The following KIF1B variants were observed in gnomAD, a reference collection of about 807,000 sequenced individuals.
The protein encoded by KIF1B is kinesin family member 1B.
Under a neutral mutation model 241.9 loss-of-function variants are expected in KIF1B, and 76 were observed. That is an observed-to-expected ratio of 0.31 (90% confidence interval 0.26 to 0.38). The LOEUF is 0.38. KIF1B is among the 10% of genes least tolerant of loss of function. The pLI, the probability that KIF1B is intolerant of heterozygous loss-of-function variation, is 1.00. For synonymous variants in KIF1B, 750 were observed against 796.7 expected (o/e 0.94, Z 0.99); for missense variants, 1,622 against 2,271.4 (o/e 0.71, Z 5.81).
At chr1:10,212,158 T>C (rs1246880979) in intron 1 of KIF1B, among the ~76,000 whole-genome samples, 2 of 152,194 alleles carry the variant, frequency 1.3e-5, no homozygotes, top group Non-Finnish European at 2.9e-5. Context: ...TGTCTGAGCC[T>C]GATGAAAGTG....
intron 18 of KIF1B, 58 bp downstream of exon 18, chr1:10,295,223 A>G (rs2102255406): frequency 9.7e-7 from 1 of 1,029,496 alleles, no homozygotes; most frequent in East Asian, 2.4e-5. Flanking sequence ...AGATAATTGA[A>G]TAACTAAAGG....
At chr1:10,323,387 G>A (rs58036267) in intron 24 of KIF1B, among the ~76,000 whole-genome samples, 20,652 of 152,070 alleles carry the variant, frequency 0.14, 1,531 homozygotes, top group South Asian at 0.18. Flanking sequence ...CTGAGCCGCC[G>A]AGGTGGGTGG....
chr1:10,351,607 A>G (rs992807293), intron 37 of KIF1B, among the ~76,000 whole-genome samples: 24 of 152,284 alleles, frequency 1.6e-4, no homozygotes, highest in African/African-American at 4.6e-4. Context: ...CGTCTATGCA[A>G]TGCTGCATCC....
At chr1:10,242,311 G>A (rs149545265) in intron 2 of KIF1B, among the ~76,000 whole-genome samples, 2,842 of 152,074 alleles carry the variant, frequency 0.019, 40 homozygotes, top group Non-Finnish European at 0.028. Flanking sequence ...CAAACAGCAT[G>A]GAGTGTACTT....
In KIF1B at chr1:10,378,756, G is replaced by A. The variant is rs897049692; in HGVS notation, c.*2169G>A. The A allele has an allele frequency of 1.0e-4, 34 of 325,406 alleles. No individual in the cohort carries two copies. The highest frequency in any genetic ancestry group is 4.8e-4 in the African/African-American group (23 of 48,238). The allele number at this position is 325,406 out of a possible 1,614,324, so 20.2% of individuals were successfully genotyped here. ...TCTGAAGAACAGGTCTCCCAGCTTC[G>A]CTCCTTATCACTGCATTGTGAAGAG... On this transcript the variant is annotated 3_prime_UTR_variant, in exon 49 of 49. Transcript: ENST00000676179.
chr1:10,301,396 T>C (rs1390232581), intron 22 of KIF1B, among the ~76,000 whole-genome samples: 8 of 152,168 alleles, frequency 5.3e-5, no homozygotes, highest in Admixed American at 4.6e-4. Context: ...CTGGGTGCGG[T>C]GGCTCACCCC....
At chr1:10,218,336 T>C (rs984563533) in intron 1 of KIF1B, among the ~76,000 whole-genome samples, 57 of 152,098 alleles carry the variant, frequency 3.7e-4, no homozygotes, top group African/African-American at 1.4e-3. Context: ...GCTACTTCTG[T>C]TTGTGGGCTG....
At chr1:10,234,257 G>T (rs578163118) in intron 2 of KIF1B, among the ~76,000 whole-genome samples, 1 of 152,088 alleles carries the variant, frequency 6.6e-6, no homozygotes, top group Admixed American at 6.6e-5. Context: ...ATCCAGGCTG[G>T]AGTGCAGTGG....
intron 32 of KIF1B, 79 bp from the exon 33 acceptor site, chr1:10,341,971 C>CA: frequency 6.3e-6 from 6 of 947,180 alleles, no homozygotes; most frequent in Non-Finnish European, 9.9e-6. Flanking sequence ...AAAAAAAACC[C>CA]AAAATACGTA....
At chr1:10,361,073 C>A in intron 39 of KIF1B, 30 bp downstream of exon 39, 2 of 1,355,770 alleles carry the variant, frequency 1.5e-6, no homozygotes, top group Non-Finnish European at 2.1e-6. Context: ...CAGTTGATGC[C>A]AACAGTCAGC....
intron 17 of KIF1B, among the ~76,000 whole-genome samples, chr1:10,294,728 C>T (rs532935900): frequency 3.3e-5 from 5 of 152,152 alleles, no homozygotes; most frequent in South Asian, 2.1e-4. Flanking sequence ...ATTAGCCAGG[C>T]GTGGTGGCGA....
chr1:10,357,077 G>T (rs1341264397), intron 38 of KIF1B, among the ~76,000 whole-genome samples: 1 of 152,060 alleles, frequency 6.6e-6, no homozygotes, highest in Non-Finnish European at 1.5e-5. Flanking sequence ...ACAGGGTCTC[G>T]CTATATTGCC....
intron 22 of KIF1B, chr1:10,306,855 A>G: frequency 9.6e-7 from 1 of 1,040,174 alleles, no homozygotes; most frequent in Non-Finnish European, 1.2e-6. Context: ...CTAACTTGAG[A>G]TAACATAGGG....
intron 15 of KIF1B, among the ~76,000 whole-genome samples, chr1:10,290,824 G>A (rs187184378): frequency 6.7e-6 from 1 of 148,308 alleles, no homozygotes; most frequent in Admixed American, 6.7e-5. Context: ...ATCTGAGATC[G>A]CGCCACTGCA....
At chr1:10,293,071 A>G (rs1569735561) in intron 17 of KIF1B, among the ~76,000 whole-genome samples, 1 of 135,832 alleles carries the variant, frequency 7.4e-6, no homozygotes, top group Admixed American at 8.1e-5. Context: ...AGGTTTTTCT[A>G]TCCTGGCCAC....
intron 22 of KIF1B, among the ~76,000 whole-genome samples, chr1:10,309,825 G>C (rs1650991491): frequency 6.6e-6 from 1 of 151,454 alleles, no homozygotes; most frequent in Non-Finnish European, 1.5e-5. Flanking sequence ...TAGTCTCCAA[G>C]GCTTTACATG....
intron 37 of KIF1B, among the ~76,000 whole-genome samples, chr1:10,351,449 T>C (rs1652790204): frequency 6.6e-6 from 1 of 152,190 alleles, no homozygotes; most frequent in African/African-American, 2.4e-5. Flanking sequence ...TGTTTAATCC[T>C]CATAGCAACC....
At chr1:10,252,955 C>T (rs1304796965) in intron 2 of KIF1B, among the ~76,000 whole-genome samples, 2 of 152,016 alleles carry the variant, frequency 1.3e-5, no homozygotes, top group Non-Finnish European at 2.9e-5. Flanking sequence ...CAACTCCTGA[C>T]CTCAGGTGAT....
chr1:10,232,802 A>G (rs537740870), intron 2 of KIF1B, among the ~76,000 whole-genome samples: 2 of 152,306 alleles, frequency 1.3e-5, no homozygotes, highest in African/African-American at 4.8e-5. Context: ...GATTTTAAAT[A>G]ATACTTGATT....
Sources: gnomAD v4.1 joint callset for allele counts (sites outside exome capture counted in the v4.1 genomes callset) on GRCh38, gnomAD v4.1.1 for gene constraint, MANE v1.5 for transcripts, NCBI Gene and HGNC (gene_info 2026-07-23, HGNC 2026-07-21) for gene names.